ADGRB3: variants seen among roughly 807,000 people sequenced by gnomAD.
The protein encoded by ADGRB3 is adhesion G protein-coupled receptor B3.
Under a neutral mutation model 193.4 loss-of-function variants are expected in ADGRB3, and 37 were observed. That is an observed-to-expected ratio of 0.19 (90% CI 0.15 to 0.25). The LOEUF (loss-of-function observed/expected upper bound fraction) is 0.25, where lower values mean the gene tolerates loss of function less well. ADGRB3 is among the 10% of genes least tolerant of loss of function. The probability of loss-of-function intolerance (pLI) is 1.00; values close to 1 mark genes in which losing one functional copy is unlikely to be tolerated. For synonymous variants in ADGRB3, 690 were observed against 644.2 expected (o/e 1.07, Z -1.08); for missense variants, 1,637 against 1,852.9 (o/e 0.88, Z 2.14).
At chr6:68,682,588 C>T (rs1053896854) in intron 3 of ADGRB3, among the ~76,000 whole-genome samples, 3 of 152,046 alleles carry the variant, frequency 2.0e-5, no homozygotes, top group Non-Finnish European at 2.9e-5. Context: ...TATAATTCTT[C>T]GTAAAATTTA....
chr6:68,812,646 T>A (rs2127376341), intron 3 of ADGRB3, among the ~76,000 whole-genome samples: 1 of 152,308 alleles, frequency 6.6e-6, no homozygotes, highest in Non-Finnish European at 1.5e-5. Flanking sequence ...CTTCTACTAA[T>A]GTACAAAGAT....
intron 3 of ADGRB3, among the ~76,000 whole-genome samples, chr6:68,808,518 AT>A (rs1433208509): frequency 1.3e-5 from 2 of 151,678 alleles, no homozygotes; most frequent in Non-Finnish European, 2.9e-5. Context: ...CCAATTGTAT[AT>A]TTTTTCATAA....
At chr6:69,256,909 A>G (rs1348530586) in intron 20 of ADGRB3, among the ~76,000 whole-genome samples, 14 of 152,200 alleles carry the variant, frequency 9.2e-5, no homozygotes, top group Admixed American at 8.5e-4. Flanking sequence ...AGTTTTTAGC[A>G]TGAAGGTTGT....
At chr6:69,166,009 G>T (rs969754581) in intron 17 of ADGRB3, among the ~76,000 whole-genome samples, 6 of 152,042 alleles carry the variant, frequency 3.9e-5, no homozygotes, top group Non-Finnish European at 8.8e-5. Flanking sequence ...CAATACTTCT[G>T]ATAGAACCAT....
At chr6:68,696,960 A>T (rs187936216) in intron 3 of ADGRB3, among the ~76,000 whole-genome samples, 73 of 152,124 alleles carry the variant, frequency 4.8e-4, no homozygotes, top group Non-Finnish European at 8.4e-4. Flanking sequence ...ACTCTTAGAG[A>T]ATTGTCACCT....
chr6:68,921,842 C>A (rs1201844136), intron 3 of ADGRB3, among the ~76,000 whole-genome samples: 1 of 151,800 alleles, frequency 6.6e-6, no homozygotes, highest in Non-Finnish European at 1.5e-5. Flanking sequence ...AGAGAGAAAA[C>A]TGTAAGCATA....
At chr6:69,240,477 T>C (rs1283241453) in intron 20 of ADGRB3, among the ~76,000 whole-genome samples, 2 of 151,958 alleles carry the variant, frequency 1.3e-5, no homozygotes, top group Non-Finnish European at 2.9e-5. Context: ...AAAATATAGT[T>C]CAGGTCCATG....
chr6:69,031,129 GTCTC>G (rs889480622), intron 13 of ADGRB3, among the ~76,000 whole-genome samples: 1 of 115,412 alleles, frequency 8.7e-6, no homozygotes, highest in Admixed American at 1.0e-4. Flanking sequence ...TCTTCTCTCT[GTCTC>G]TCTCTCTCAA....
At chr6:68,761,444 C>T (rs564667476) in intron 3 of ADGRB3, among the ~76,000 whole-genome samples, 1 of 151,480 alleles carries the variant, frequency 6.6e-6, no homozygotes, top group East Asian at 1.9e-4. Context: ...AATTAGGCTT[C>T]TACAGTTACT....
At chr6:68,817,831 G>A (rs538021472) in intron 3 of ADGRB3, among the ~76,000 whole-genome samples, 12 of 152,082 alleles carry the variant, frequency 7.9e-5, no homozygotes, top group Admixed American at 7.9e-4. Context: ...GTAGAATTTT[G>A]AGAAAAAATT....
At chr6:68,692,660 C>T (rs1383333150) in intron 3 of ADGRB3, among the ~76,000 whole-genome samples, 1 of 151,784 alleles carries the variant, frequency 6.6e-6, no homozygotes, top group Non-Finnish European at 1.5e-5. Flanking sequence ...ATATTAGTCT[C>T]AAACAACCAC....
chr6:69,073,482 T>A (rs1772138046), intron 16 of ADGRB3, among the ~76,000 whole-genome samples: 1 of 151,352 alleles, frequency 6.6e-6, no homozygotes, highest in Admixed American at 6.6e-5. Context: ...GAAAAAAAAA[T>A]GGAATTTACT....
chr6:69,177,107 T>C (rs1775447886), intron 17 of ADGRB3, among the ~76,000 whole-genome samples: 1 of 152,186 alleles, frequency 6.6e-6, no homozygotes, highest in African/African-American at 2.4e-5. Flanking sequence ...GTATAGATTT[T>C]TGGGTCTCAG....
chr6:69,102,275 G>A (rs1280463891), intron 17 of ADGRB3, among the ~76,000 whole-genome samples: 1 of 151,518 alleles, frequency 6.6e-6, no homozygotes, highest in African/African-American at 2.4e-5. Flanking sequence ...ATTTTAATTC[G>A]CTGTAGTGAA....
At chr6:69,167,866 C>G (rs314215) in intron 17 of ADGRB3, among the ~76,000 whole-genome samples, 1 of 151,872 alleles carries the variant, frequency 6.6e-6, no homozygotes, top group Non-Finnish European at 1.5e-5. Flanking sequence ...GGGACTTGCA[C>G]TGGGGTGGTT....
chr6:68,935,427 T>G (rs1767461211), intron 4 of ADGRB3, among the ~76,000 whole-genome samples: 1 of 152,210 alleles, frequency 6.6e-6, no homozygotes, highest in African/African-American at 2.4e-5. Flanking sequence ...TATTCTATCC[T>G]TTGAATTCTA....
At chr6:69,317,061 G>A (rs1194993662) in intron 20 of ADGRB3, among the ~76,000 whole-genome samples, 1 of 151,516 alleles carries the variant, frequency 6.6e-6, no homozygotes, top group Non-Finnish European at 1.5e-5. Flanking sequence ...GGATGGAGAT[G>A]TTCTAAATTT....
intron 20 of ADGRB3, among the ~76,000 whole-genome samples, chr6:69,248,130 T>C (rs1207751532): frequency 6.6e-6 from 1 of 152,180 alleles, no homozygotes. Context: ...ATCAAACCAG[T>C]AGAGAAATTA....
chr6:68,909,434 T>A (rs1444524636), intron 3 of ADGRB3, among the ~76,000 whole-genome samples: 1 of 152,188 alleles, frequency 6.6e-6, no homozygotes, highest in African/African-American at 2.4e-5. Flanking sequence ...TATTACTTTA[T>A]CTTCTACTTC....
Sources: gnomAD v4.1 joint callset for allele counts (sites outside exome capture counted in the v4.1 genomes callset) on GRCh38, gnomAD v4.1.1 for gene constraint, MANE v1.5 for transcripts, NCBI Gene and HGNC (gene_info 2026-07-23, HGNC 2026-07-21) for gene names.